The following MAEL variants were observed in gnomAD, a reference collection of about 807,000 sequenced individuals.
MAEL encodes the protein maelstrom spermatogenic transposon silencer.
A neutral mutation model predicts 62.0 loss-of-function variants in MAEL; 46 were observed. The ratio of observed to expected loss-of-function variants is 0.74; its 90% CI spans 0.59 to 0.95. The LOEUF is 0.95. Among genes scored for constraint, MAEL ranks in the 40% least tolerant of loss-of-function variants. MAEL has a pLI of 0.00. For missense variants in MAEL, 497 were observed against 526.8 expected, an observed-to-expected ratio of 0.94 and a Z score of 0.55; for synonymous variants, 172 against 175.5, an observed-to-expected ratio of 0.98 and a Z score of 0.16.
intron 5 of MAEL, among the ~76,000 whole-genome samples, chr1:166,996,816 C>A (rs1664445002): frequency 6.6e-6 from 1 of 152,184 alleles, no homozygotes; most frequent in Admixed American, 6.6e-5. Context: ...AATCTTTGGG[C>A]TCCCGTGGGC....
intron 8 of MAEL, among the ~76,000 whole-genome samples, chr1:167,014,477 T>G (rs1665297608): frequency 6.6e-6 from 1 of 152,184 alleles, no homozygotes; most frequent in Admixed American, 6.5e-5. Context: ...TCCTGTCCAA[T>G]AAGACTCTAG....
At position 166,989,322 on chromosome 1, in the gene MAEL, G is replaced by C; in HGVS notation, c.-31G>C. 2 of 1,602,014 alleles carry C rather than the reference G, an allele frequency of 1.2e-6. No homozygotes were observed. The highest frequency in any genetic ancestry group is 8.5e-7 in the Non-Finnish European group (1 of 1,174,520). On this transcript the variant is annotated 5_prime_UTR_variant, in exon 1 of 12. Transcript: ENST00000367872. ...GGCGAGGGCGCCGGTGCTTTGTTCT[G>C]TCTGAGGCCAGGAAGTTTGACCGCG...
intron 8 of MAEL, among the ~76,000 whole-genome samples, chr1:167,007,773 C>G (rs547197823): frequency 1.3e-5 from 2 of 152,040 alleles, no homozygotes; most frequent in Admixed American, 1.3e-4. Flanking sequence ...AGAACCCTGG[C>G]TGTCAGTATT....
upstream of MAEL, among the ~76,000 whole-genome samples, chr1:166,988,538 G>A (rs1475858159): frequency 6.6e-6 from 1 of 151,882 alleles, no homozygotes; most frequent in Non-Finnish European, 1.5e-5. Flanking sequence ...AGAAAACCGA[G>A]AGAACCAACT....
At chr1:166,993,133 A>G (rs185885549) in intron 4 of MAEL, among the ~76,000 whole-genome samples, 29 of 152,270 alleles carry the variant, frequency 1.9e-4, no homozygotes, top group Admixed American at 1.4e-3. Flanking sequence ...GGGATTTTCT[A>G]AAAGCCGTGT....
In MAEL at chr1:166,994,794, G is replaced by A. The variant is rs539172725; in HGVS notation, c.523+725G>A. ...AAGCAATTCTTCTGTCTCAGCCTCCGGAGTGGCTGGGACTACAGGCACATG... is the reference window on the plus strand; with the variant it reads ...AAGCAATTCTTCTGTCTCAGCCTCCAGAGTGGCTGGGACTACAGGCACATG... On this transcript the variant is annotated intron_variant, in intron 5 of 11. Transcript: ENST00000367872. Among the ~76,000 whole-genome samples the A allele has an allele frequency of 4.7e-5, 7 of 150,082 alleles. No individual in the cohort carries two copies. In the South Asian group the frequency reaches 1.1e-3, roughly 23 times the overall value.
intron 5 of MAEL, among the ~76,000 whole-genome samples, chr1:167,001,589 A>G (rs974655172): frequency 6.6e-6 from 1 of 152,192 alleles, no homozygotes; most frequent in South Asian, 2.1e-4. Context: ...CATAACATTT[A>G]TATGCACTGG....
At chr1:167,002,462 A>G (rs533035480) in intron 5 of MAEL, among the ~76,000 whole-genome samples, 2 of 152,346 alleles carry the variant, frequency 1.3e-5, no homozygotes, top group South Asian at 4.1e-4. Flanking sequence ...TGTTCAGTCA[A>G]GCTAACAGAA....
chr1:167,021,277 T>G (rs1201759271), intron 11 of MAEL, 117 bp downstream of exon 11: 2 of 745,124 alleles, frequency 2.7e-6, no homozygotes, highest in Non-Finnish European at 4.5e-6. Flanking sequence ...ATAAGAAGCT[T>G]GTTGAATTGA....
chr1:166,979,862 A>G (rs1010073167), intron 1 of MAEL, among the ~76,000 whole-genome samples: 2 of 152,248 alleles, frequency 1.3e-5, no homozygotes, highest in Admixed American at 6.5e-5. Flanking sequence ...GGTCCATCCA[A>G]GGATAATGTG....
chr1:166,993,841 A>G (rs1378704147), intron 4 of MAEL, among the ~76,000 whole-genome samples, 187 bp from the exon 5 acceptor site: 1 of 152,350 alleles, frequency 6.6e-6, no homozygotes, highest in South Asian at 2.1e-4. Flanking sequence ...CTTAGACAAT[A>G]TACCAAATTC....
At chr1:167,006,497 G>A (rs1168414850) in intron 8 of MAEL, among the ~76,000 whole-genome samples, 3 of 150,812 alleles carry the variant, frequency 2.0e-5, no homozygotes, top group Non-Finnish European at 1.5e-5. Context: ...ATATCTGGAG[G>A]TATATGATGT....
At chr1:166,999,108 A>G (rs377705766) in intron 5 of MAEL, among the ~76,000 whole-genome samples, 1 of 152,166 alleles carries the variant, frequency 6.6e-6, no homozygotes, top group African/African-American at 2.4e-5. Flanking sequence ...TAACCCTACA[A>G]TGGCCTCTCA....
intron 8 of MAEL, among the ~76,000 whole-genome samples, chr1:167,015,070 A>G (rs1665330668): frequency 6.6e-6 from 1 of 152,226 alleles, no homozygotes; most frequent in African/African-American, 2.4e-5. Context: ...GGGAGACCAC[A>G]ACTCCCAATC....
upstream of MAEL, among the ~76,000 whole-genome samples, chr1:166,986,428 C>T (rs1239339440): frequency 2.0e-5 from 3 of 152,014 alleles, no homozygotes; most frequent in Non-Finnish European, 4.4e-5. Flanking sequence ...GACGGTGGTG[C>T]GTGGAGTGAG....
In MAEL at chr1:166,989,779, C is replaced by G. The variant is rs768269478; in HGVS notation, c.175C>G (p.Arg59Gly). 5.0e-6 allele frequency: 8 copies of G among 1,613,738 alleles called. No individual in the cohort carries two copies. In the East Asian group the frequency reaches 1.8e-4, roughly 36 times the overall value. Residue 59 changes from arginine (R) to glycine (G), a missense_variant, in exon 2 of 12, where the codon CGA becomes GGA. By Grantham distance (125) the Arg-to-Gly change is moderately radical. Transcript: ENST00000367872. The part of the protein sequence containing the change: ...EEKEKYAEMA[R>G]EWRAAQGKDP... ...AAAGGAGAAATACGCAGAAATGGCT[C>G]GAGAATGGAGGGCCGCTCAGGGAAA...
intron 5 of MAEL, among the ~76,000 whole-genome samples, chr1:166,995,387 G>A (rs1335736403): frequency 6.6e-6 from 1 of 151,970 alleles, no homozygotes; most frequent in Non-Finnish European, 1.5e-5. Context: ...TTACAGGCAT[G>A]CACCACCACA....
intron 1 of MAEL, among the ~76,000 whole-genome samples, chr1:166,976,431 G>T (rs779303010): frequency 1.3e-5 from 2 of 152,212 alleles, no homozygotes; most frequent in Admixed American, 6.5e-5. Context: ...AGGAAGGTCA[G>T]ACCATTAAAG....
At chr1:166,990,574 G>T (rs1664127901) in intron 2 of MAEL, 2 of 152,056 alleles carry the variant, frequency 1.3e-5, no homozygotes, top group African/African-American at 4.8e-5. Flanking sequence ...TGGGAGAATC[G>T]CTTGAACCCG....
Sources: gnomAD v4.1 joint callset for allele counts (sites outside exome capture counted in the v4.1 genomes callset) on GRCh38, gnomAD v4.1.1 for gene constraint, MANE v1.5 for transcripts, NCBI Gene and HGNC (gene_info 2026-07-23, HGNC 2026-07-21) for gene names.